STK24: variants seen among roughly 807,000 people sequenced by gnomAD.
STK24 encodes serine/threonine kinase 24.
In STK24, 21 loss-of-function variants were observed where a neutral mutation model predicts 55.6. The observed-to-expected ratio is 0.38, with a 90% CI of 0.27 to 0.54. STK24 has a LOEUF of 0.54. Ranked by LOEUF, STK24 falls within the 20% of genes least tolerant of loss-of-function variation. The pLI is 0.79. For missense variants in STK24, 383 were observed against 538.4 expected, an observed-to-expected ratio of 0.71 and a Z score of 2.86; for synonymous variants, 200 against 215.2, an observed-to-expected ratio of 0.93 and a Z score of 0.62.
At chr13:98,551,706 C>G (rs2139435993) in intron 1 of STK24, among the ~76,000 whole-genome samples, 1 of 152,278 alleles carries the variant, frequency 6.6e-6, no homozygotes, top group East Asian at 1.9e-4. Context: ...GTTTGTACCT[C>G]TCTCTGGTTA....
At chr13:98,490,342 A>C (rs1263997654) in intron 2 of STK24, among the ~76,000 whole-genome samples, 1 of 152,172 alleles carries the variant, frequency 6.6e-6, no homozygotes, top group Non-Finnish European at 1.5e-5. Context: ...ACTATTGCCA[A>C]ATTTTTAACT....
At chr13:98,502,797 C>G (rs1895526064) in intron 2 of STK24, among the ~76,000 whole-genome samples, 1 of 152,098 alleles carries the variant, frequency 6.6e-6, no homozygotes, top group South Asian at 2.1e-4. Flanking sequence ...TGGTAACTAC[C>G]CAGTCTTTCT....
In STK24 at chr13:98,448,259, C is replaced by T; in HGVS notation, c.*4914G>A. On this transcript the variant is annotated 3_prime_UTR_variant, in exon 11 of 11. Coordinates refer to ENST00000539966, the MANE Select transcript of STK24 (RefSeq NM_001032296.4). The stretch of plus-strand genomic sequence containing the variant: ...AGGTGGATGGAAGTGATCCGCAGTG[C>T]CACCAGCTCTGCCTCGCGACCCCAC... The T allele has an allele frequency of 1.2e-6, 2 of 1,613,978 alleles. No homozygotes were observed. Among genetic ancestry groups the T allele is most frequent in the Non-Finnish European group, 1.7e-6 (2 of 1,179,846 alleles).
intron 5 of STK24, among the ~76,000 whole-genome samples, 189 bp from the exon 6 acceptor site, chr13:98,466,750 A>C (rs1319885122): frequency 2.0e-5 from 3 of 152,262 alleles, no homozygotes; most frequent in Non-Finnish European, 2.9e-5. Context: ...GTAATATGCC[A>C]AATGTTTTCT....
At chr13:98,548,861 C>CA (rs55793722) in intron 1 of STK24, among the ~76,000 whole-genome samples, 4,801 of 37,462 alleles carry the variant, frequency 0.13, 614 homozygotes, top group African/African-American at 0.18. Flanking sequence ...GACTCTGTCT[C>CA]AAAAAAAAAA....
intron 2 of STK24, among the ~76,000 whole-genome samples, chr13:98,517,237 G>C (rs574612162): frequency 6.6e-6 from 1 of 152,298 alleles, no homozygotes; most frequent in East Asian, 1.9e-4. Context: ...GAATTTACTA[G>C]AACACTACTG....
chr13:98,504,846 G>GCATC, intron 2 of STK24, among the ~76,000 whole-genome samples: 1 of 152,194 alleles, frequency 6.6e-6, no homozygotes, highest in South Asian at 2.1e-4. Flanking sequence ...ACAAGGTGTG[G>GCATC]ATGGAGGCAG....
intron 1 of STK24, among the ~76,000 whole-genome samples, chr13:98,568,855 C>T (rs557472820): frequency 4.0e-5 from 6 of 151,812 alleles, no homozygotes; most frequent in Non-Finnish European, 7.4e-5. Flanking sequence ...GGTGACAGAG[C>T]GAGACTCCAT....
At chr13:98,576,713 G>C (rs1452630616) in intron 1 of STK24, 32 bp downstream of exon 1, 2 of 1,453,984 alleles carry the variant, frequency 1.4e-6, no homozygotes, top group East Asian at 3.1e-5. Flanking sequence ...CCCCGGTCGC[G>C]CATCCCGGCC....
chr13:98,462,796 G>A lies in STK24; in HGVS notation c.929+895C>T, dbSNP rs1034438956. Among the ~76,000 whole-genome samples the A allele has an allele frequency of 7.2e-5, 11 of 152,160 alleles. No homozygotes were observed. In the East Asian group the frequency reaches 1.2e-3, roughly 16 times the overall value. ...CGGTTCACCCCACACTCGGCTTCCC[G>A]CACCACACATCACAACACCTGGTGC... On this transcript the variant is annotated intron_variant, in intron 7 of 10. Coordinates refer to ENST00000539966, the MANE Select transcript of STK24 (RefSeq NM_001032296.4).
intron 2 of STK24, among the ~76,000 whole-genome samples, chr13:98,518,148 G>A (rs1233209839): frequency 1.3e-5 from 2 of 152,172 alleles, no homozygotes; most frequent in Admixed American, 1.3e-4. Flanking sequence ...ATGACACACT[G>A]CTGTCCTTTA....
intron 1 of STK24, among the ~76,000 whole-genome samples, chr13:98,570,334 T>C (rs567335250): frequency 6.6e-6 from 1 of 152,226 alleles, no homozygotes; most frequent in African/African-American, 2.4e-5. Flanking sequence ...ATTAGACATT[T>C]CTAAATAGAA....
At chr13:98,550,321 G>A (rs541589876) in intron 1 of STK24, among the ~76,000 whole-genome samples, 4 of 152,252 alleles carry the variant, frequency 2.6e-5, no homozygotes, top group Middle Eastern at 3.4e-3. Flanking sequence ...GGAAGATCGC[G>A]TGAGCCCAGG....
rs569892036 is a variant in STK24 at position 98,475,044 on chromosome 13, G to A, written c.440-66C>T. 9.7e-5 allele frequency: 148 copies of A among 1,527,450 alleles called. No homozygotes were observed. In the African/African-American group the frequency reaches 1.8e-3, roughly 18 times the overall value. The allele number at this position is 1,527,450 out of a possible 1,614,324, so 94.6% of individuals were successfully genotyped here. A position where few individuals can be genotyped will look rare whatever the true frequency, so the allele number is the denominator to read the frequency against. ...TACAACTCCGTGCACTGCCACAAGCGCGTCTTCTCCCTGGCTGGGTGGCGA... is the reference window on the plus strand; with the variant it reads ...TACAACTCCGTGCACTGCCACAAGCACGTCTTCTCCCTGGCTGGGTGGCGA... On this transcript the variant is annotated intron_variant, in intron 4 of 10. Transcript: ENST00000539966.
At chr13:98,477,657 AG>A in intron 3 of STK24, among the ~76,000 whole-genome samples, 1 of 151,456 alleles carries the variant, frequency 6.6e-6, no homozygotes, top group East Asian at 1.9e-4. Flanking sequence ...CCTGGGTGAC[AG>A]AGCAAGATTC....
intron 5 of STK24, among the ~76,000 whole-genome samples, chr13:98,470,217 T>A (rs1329726042): frequency 6.6e-6 from 1 of 152,122 alleles, no homozygotes; most frequent in Non-Finnish European, 1.5e-5. Flanking sequence ...GTTCAAGCCA[T>A]CCTCCCACCT....
Position 98,446,839 on chromosome 13 carries a change from A to C in STK24, c.*6334T>G, listed in dbSNP as rs201168854. The C allele has an allele frequency of 6.2e-7, 1 of 1,613,196 alleles. No individual in the cohort carries two copies. Among genetic ancestry groups the C allele is most frequent in the Non-Finnish European group, 8.5e-7 (1 of 1,179,440 alleles). On this transcript the variant is annotated 3_prime_UTR_variant, in exon 11 of 11. Coordinates refer to ENST00000539966, the MANE Select transcript of STK24 (RefSeq NM_001032296.4). ...AAAGGTAGACACCCCCTTCCCACGC[A>C]CAGGGCCCTGCAGAAGAGGACCCCC... is the stretch of plus-strand genomic sequence containing the variant.
chr13:98,537,805 G>A (rs946701891), intron 1 of STK24, among the ~76,000 whole-genome samples: 1 of 152,062 alleles, frequency 6.6e-6, no homozygotes, highest in Non-Finnish European at 1.5e-5. Context: ...TGAGGGATTC[G>A]ATTTAAGTGA....
chr13:98,547,489 A>T (rs1731959443), intron 1 of STK24, among the ~76,000 whole-genome samples: 1 of 152,196 alleles, frequency 6.6e-6, no homozygotes, highest in Non-Finnish European at 1.5e-5. Flanking sequence ...TCGAGGCTAT[A>T]GTTAGCCATT....
Sources: allele counts gnomAD v4.1 joint callset (sites outside exome capture counted in the v4.1 genomes callset), GRCh38; gene constraint gnomAD v4.1.1; transcripts MANE v1.5; gene names NCBI Gene and HGNC (gene_info 2026-07-23, HGNC 2026-07-21).